CFAP43: variants seen among roughly 807,000 people sequenced by gnomAD.
CFAP43 encodes the protein cilia and flagella associated protein 43.
Under a neutral mutation model 218.9 loss-of-function variants are expected in CFAP43, and 155 were observed. That is an observed-to-expected ratio of 0.71 (90% CI 0.62 to 0.81). The LOEUF (loss-of-function observed/expected upper bound fraction) is 0.81. Ranked by LOEUF, CFAP43 falls within the 30% of genes least tolerant of loss-of-function variation. CFAP43 has a pLI of 0.00. For missense variants in CFAP43, 1,778 were observed against 1,954.3 expected (o/e 0.91, Z 1.70); for synonymous variants, 645 against 681.3 (o/e 0.95, Z 0.83).
At chr10:104,222,826 T>A (rs1418622556) in intron 3 of CFAP43, among the ~76,000 whole-genome samples, 1 of 152,166 alleles carries the variant, frequency 6.6e-6, no homozygotes, top group African/African-American at 2.4e-5. Flanking sequence ...GATACAAATG[T>A]ATTGAATGAA....
At chr10:104,206,357 AT>A (rs1022973202) in intron 6 of CFAP43, among the ~76,000 whole-genome samples, 1 of 152,170 alleles carries the variant, frequency 6.6e-6, no homozygotes, top group African/African-American at 2.4e-5. Flanking sequence ...AGGGGGTGGT[AT>A]TTGAGCTGGG....
chr10:104,219,242 C>T (rs7909741), intron 3 of CFAP43, among the ~76,000 whole-genome samples: 13,686 of 151,940 alleles, frequency 0.09, 1,030 homozygotes, highest in African/African-American at 0.21. Context: ...TTCCTCAGCA[C>T]GACACCCAAT....
rs547771580 is a variant in CFAP43, at chr10:104,156,120, G to A, written c.3541-3394C>T. Among the ~76,000 whole-genome samples the A allele has an allele frequency of 3.1e-4, 47 of 152,238 alleles. No homozygotes were observed. The South Asian group carries it at 8.9e-3, about 29-fold the overall frequency. ...GCAACTCGAAAGAGGAAAGTGCCCT[G>A]TGGAGACTTGGGAGTAAAGGGAAAG... is the stretch of plus-strand genomic sequence containing the variant. On this transcript the variant is annotated intron_variant, in intron 27 of 37. Transcript: ENST00000357060.
intron 5 of CFAP43, among the ~76,000 whole-genome samples, chr10:104,210,752 T>C (rs540675653): frequency 5.3e-5 from 8 of 150,378 alleles, no homozygotes; most frequent in Admixed American, 2.0e-4. Flanking sequence ...CTTAGGGCCT[T>C]GCACATGCAG....
chr10:104,131,171 G>A (rs1355194722), intron 37 of CFAP43, among the ~76,000 whole-genome samples, 160 bp downstream of exon 37: 2 of 152,038 alleles, frequency 1.3e-5, no homozygotes, highest in African/African-American at 4.8e-5. Flanking sequence ...TAACAAACTT[G>A]TACATGTACT....
intron 2 of CFAP43, 53 bp downstream of exon 2, chr10:104,230,537 C>T: frequency 6.4e-7 from 1 of 1,557,314 alleles, no homozygotes; most frequent in East Asian, 2.2e-5. Flanking sequence ...ATTTAGTCAA[C>T]TCTTTAAACA....
intron 2 of CFAP43, among the ~76,000 whole-genome samples, chr10:104,226,837 G>A (rs2091315858): frequency 6.6e-6 from 1 of 152,050 alleles, no homozygotes; most frequent in South Asian, 2.1e-4. Flanking sequence ...TGGCCAACAT[G>A]GTAAAACCTC....
intron 19 of CFAP43, among the ~76,000 whole-genome samples, chr10:104,175,270 C>A (rs1042677533): frequency 7.9e-5 from 12 of 151,652 alleles, no homozygotes; most frequent in African/African-American, 2.9e-4. Context: ...CAAAAAAATA[C>A]AAAAATTACT....
chr10:104,227,835 C>CTTTTTTT lies in CFAP43; in HGVS notation c.320-2285_320-2279dup, dbSNP rs776193577. ...CTCCTCTATTCTACCATGTTTTCTA[C>CTTTTTTT]TTTTTTTTTTTTTTTTTTTTTTTTT... is the stretch of plus-strand genomic sequence containing the variant. On this transcript the variant is annotated intron_variant, in intron 2 of 37. Transcript: ENST00000357060. 3.1e-4 allele frequency among the ~76,000 whole-genome samples: 18 copies of CTTTTTTT among 58,370 alleles called. 1 individual carries two copies. The highest frequency in any genetic ancestry group is 4.9e-4 in the Non-Finnish European group (16 of 32,778). The allele number at this position is 58,370 out of a possible 152,430, so 38.3% of individuals were successfully genotyped here. A position where few individuals can be genotyped will look rare whatever the true frequency, so the allele number is the denominator to read the frequency against.
intron 20 of CFAP43, among the ~76,000 whole-genome samples, chr10:104,170,309 G>T (rs1403691018): frequency 2.0e-5 from 3 of 152,264 alleles, no homozygotes; most frequent in Admixed American, 6.5e-5. Context: ...CATGAATTTG[G>T]TAAGTGGCAA....
intron 8 of CFAP43, among the ~76,000 whole-genome samples, chr10:104,200,902 G>A (rs945755542): frequency 3.3e-5 from 5 of 152,114 alleles, no homozygotes; most frequent in South Asian, 2.1e-4. Flanking sequence ...TGGAGTCCAC[G>A]TCATGAAGGG....
intron 2 of CFAP43, among the ~76,000 whole-genome samples, chr10:104,228,472 C>T (rs1025653167): frequency 6.6e-6 from 1 of 152,202 alleles, no homozygotes. Context: ...GACCCTCTGC[C>T]TTGCCATCAT....
intron 8 of CFAP43, among the ~76,000 whole-genome samples, chr10:104,201,711 T>C (rs1460610314): frequency 1.3e-5 from 2 of 152,030 alleles, no homozygotes; most frequent in Non-Finnish European, 1.5e-5. Context: ...TATGCAGTGT[T>C]CATTTACTGT....
intron 6 of CFAP43, 36 bp downstream of exon 6, chr10:104,207,629 G>A (rs1366419163): frequency 1.3e-6 from 2 of 1,580,016 alleles, no homozygotes; most frequent in Non-Finnish European, 1.7e-6. Context: ...CAACACCCAT[G>A]GCTATACAGG....
intron 24 of CFAP43, among the ~76,000 whole-genome samples, chr10:104,162,882 A>T (rs887676517): frequency 6.6e-6 from 1 of 152,090 alleles, no homozygotes; most frequent in South Asian, 2.1e-4. Context: ...AGCCACTGCA[A>T]GGGGTGAGGC....
At chr10:104,166,847 C>T (rs111241870) in intron 22 of CFAP43, 129 bp from the exon 23 acceptor site, 54 of 777,762 alleles carry the variant, frequency 6.9e-5, no homozygotes, top group East Asian at 1.3e-4. Context: ...CAACTGAATT[C>T]GAAGTGATGA....
At chr10:104,155,706 G>A (rs1454110071) in intron 27 of CFAP43, among the ~76,000 whole-genome samples, 1 of 152,094 alleles carries the variant, frequency 6.6e-6, no homozygotes, top group Non-Finnish European at 1.5e-5. Context: ...ATCTCAAAGT[G>A]GTGAGAATGT....
At chr10:104,215,294 C>T (rs1315384518) in intron 3 of CFAP43, among the ~76,000 whole-genome samples, 3 of 152,110 alleles carry the variant, frequency 2.0e-5, no homozygotes, top group Non-Finnish European at 4.4e-5. Context: ...TAAATGTGAG[C>T]TATGCCCTCA....
chr10:104,187,266 T>C, intron 14 of CFAP43, 54 bp downstream of exon 14: 1 of 1,466,790 alleles, frequency 6.8e-7, no homozygotes, highest in Non-Finnish European at 9.1e-7. Flanking sequence ...ATCAGTATAA[T>C]GTATCAATCT....
Sources: allele counts gnomAD v4.1 joint callset (sites outside exome capture counted in the v4.1 genomes callset), GRCh38; gene constraint gnomAD v4.1.1; transcripts MANE v1.5; gene names NCBI Gene and HGNC (gene_info 2026-07-23, HGNC 2026-07-21).